The following DOCK3 variants were observed in gnomAD, a reference collection of about 807,000 sequenced individuals.
The protein encoded by DOCK3 is dedicator of cytokinesis protein 3.
DOCK3 carries 60 observed loss-of-function variants against 265.6 expected under a neutral mutation model. The ratio of observed to expected loss-of-function variants is 0.23; its 90% confidence interval spans 0.18 to 0.28. The LOEUF is 0.28. Among genes scored for constraint, DOCK3 ranks in the 10% least tolerant of loss-of-function variants. The probability of loss-of-function intolerance (pLI) is 1.00; values close to 1 mark genes in which losing one functional copy is unlikely to be tolerated. For missense variants in DOCK3, 1,981 were observed against 2,594.3 expected, an observed-to-expected ratio of 0.76 and a Z score of 5.14; for synonymous variants, 881 against 938.0, an observed-to-expected ratio of 0.94 and a Z score of 1.11.
At chr3:51,323,275 C>A (rs1353910948) in intron 32 of DOCK3, among the ~76,000 whole-genome samples, 3 of 152,172 alleles carry the variant, frequency 2.0e-5, no homozygotes, top group Non-Finnish European at 4.4e-5. Context: ...TAACACCCCA[C>A]TGTCTATATT....
intron 9 of DOCK3, among the ~76,000 whole-genome samples, chr3:51,145,718 T>G (rs1369546996): frequency 6.6e-6 from 1 of 152,176 alleles, no homozygotes; most frequent in Non-Finnish European, 1.5e-5. Context: ...TGGACACTGC[T>G]GCCCTAAAGT....
At chr3:51,122,925 C>T (rs2084096388) in intron 9 of DOCK3, among the ~76,000 whole-genome samples, 1 of 152,218 alleles carries the variant, frequency 6.6e-6, no homozygotes, top group African/African-American at 2.4e-5. Context: ...TAATCGTTTA[C>T]ATCCTGCTTC....
intron 9 of DOCK3, among the ~76,000 whole-genome samples, chr3:51,090,766 T>C (rs1040411359): frequency 1.3e-5 from 2 of 152,110 alleles, no homozygotes; most frequent in Non-Finnish European, 2.9e-5. Flanking sequence ...TTGCTGCATG[T>C]GGAAGAGAGG....
In DOCK3 at chr3:51,151,477, T is replaced by C. The variant is rs9877968; in HGVS notation, c.828+4847T>C. Among the ~76,000 whole-genome samples, 425 of 152,318 alleles carry C rather than the reference T, an allele frequency of 2.8e-3. 3 individuals are homozygous for C. Among genetic ancestry groups the C allele is most frequent in the African/African-American group, 9.8e-3 (408 of 41,572 alleles). ...CCAAAGGTAGATAAAAACACCCCAC[T>C]GTCAATATTAGACAGATCAATGAGA... On this transcript the variant is annotated intron_variant, in intron 10 of 52. Coordinates refer to ENST00000266037, the MANE Select transcript of DOCK3 (RefSeq NM_004947.5).
intron 5 of DOCK3, among the ~76,000 whole-genome samples, chr3:50,987,570 A>C (rs1339588006): frequency 1.3e-5 from 2 of 152,220 alleles, no homozygotes; most frequent in Non-Finnish European, 2.9e-5. Flanking sequence ...GGCCCACCGG[A>C]AGCAACTAGT....
At chr3:51,299,399 GT>G (rs1180130123) in intron 27 of DOCK3, among the ~76,000 whole-genome samples, 6 of 151,950 alleles carry the variant, frequency 3.9e-5, no homozygotes, top group Admixed American at 2.6e-4. Context: ...TTCTTTTGCT[GT>G]GCAGAAGCTC....
chr3:50,826,314 T>C (rs2044752433), intron 2 of DOCK3, among the ~76,000 whole-genome samples: 1 of 152,188 alleles, frequency 6.6e-6, no homozygotes, highest in South Asian at 2.1e-4. Context: ...ATGTTCTTTA[T>C]AGTAAATTTT....
At chr3:50,901,646 G>A in intron 4 of DOCK3, 1 of 453,978 alleles carries the variant, frequency 2.2e-6, no homozygotes, top group Non-Finnish European at 4.4e-6. Flanking sequence ...CGAGGACCAT[G>A]GGAAAAGCAT....
chr3:50,921,532 C>T (rs892944615), intron 4 of DOCK3, among the ~76,000 whole-genome samples: 2 of 152,174 alleles, frequency 1.3e-5, no homozygotes, highest in East Asian at 1.9e-4. Context: ...TATTACTGAT[C>T]GTCTCAAACC....
intron 35 of DOCK3, among the ~76,000 whole-genome samples, chr3:51,334,011 TTTG>T (rs1249282821): frequency 6.6e-6 from 1 of 152,010 alleles, no homozygotes; most frequent in Non-Finnish European, 1.5e-5. Flanking sequence ...CGGCTAATTT[TTTG>T]TTTTTTGTTT....
At chr3:50,830,404 G>A (rs2045069354) in intron 2 of DOCK3, among the ~76,000 whole-genome samples, 1 of 152,056 alleles carries the variant, frequency 6.6e-6, no homozygotes, top group Admixed American at 6.5e-5. Context: ...TACTTCCTGT[G>A]CAGCTATTAG....
At chr3:51,214,395 C>A in intron 14 of DOCK3, 148 bp downstream of exon 14, 1 of 1,188,900 alleles carries the variant, frequency 8.4e-7, no homozygotes, top group Non-Finnish European at 1.1e-6. Context: ...TTACTGCAGT[C>A]TGCAGTCAAT....
At chr3:51,032,559 A>G (rs1014071644) in intron 5 of DOCK3, among the ~76,000 whole-genome samples, 8 of 152,062 alleles carry the variant, frequency 5.3e-5, no homozygotes, top group African/African-American at 1.7e-4. Context: ...GTGTTCCTAT[A>G]TAAGGAGACT....
intron 51 of DOCK3, among the ~76,000 whole-genome samples, chr3:51,376,207 G>T (rs750535938): frequency 2.0e-5 from 3 of 152,130 alleles, no homozygotes; most frequent in Non-Finnish European, 4.4e-5. Context: ...CTCAGCTTGG[G>T]CCCTCAGGGA....
intron 5 of DOCK3, among the ~76,000 whole-genome samples, chr3:50,975,826 T>C (rs1232994252): frequency 5.3e-5 from 8 of 151,490 alleles, no homozygotes; most frequent in Non-Finnish European, 1.0e-4. Context: ...CAGATCCTGT[T>C]ATTGGTCTAT....
At chr3:50,685,734 C>A in intron 1 of DOCK3, 1 of 226,150 alleles carries the variant, frequency 4.4e-6, no homozygotes. Context: ...AAGTTTTCTG[C>A]TGTCTTTGGA....
chr3:50,804,939 A>G (rs936762761), intron 2 of DOCK3, among the ~76,000 whole-genome samples: 1 of 152,126 alleles, frequency 6.6e-6, no homozygotes, highest in Admixed American at 6.5e-5. Context: ...ATTTTGTTGA[A>G]TCATCTGTCT....
chr3:50,776,791 G>T (rs950668562), intron 1 of DOCK3, among the ~76,000 whole-genome samples: 1 of 152,044 alleles, frequency 6.6e-6, no homozygotes, highest in African/African-American at 2.4e-5. Flanking sequence ...TCTACATGTG[G>T]CTTGTCAGTT....
chr3:51,377,440 T>C (rs1053465471), intron 51 of DOCK3, among the ~76,000 whole-genome samples: 1 of 152,156 alleles, frequency 6.6e-6, no homozygotes, highest in African/African-American at 2.4e-5. Context: ...CTTACAGGTA[T>C]CTCTTTTTGC....
Sources: gnomAD v4.1 joint callset for allele counts (sites outside exome capture counted in the v4.1 genomes callset) on GRCh38, gnomAD v4.1.1 for gene constraint, MANE v1.5 for transcripts, NCBI Gene and HGNC (gene_info 2026-07-23, HGNC 2026-07-21) for gene names.